Variants in FARP2 observed in about 807,000 individuals in gnomAD.
FARP2 encodes FERM, ARHGEF and pleckstrin domain-containing protein 2.
Under a neutral mutation model 130.5 loss-of-function variants are expected in FARP2, and 111 were observed. The ratio of observed to expected loss-of-function variants is 0.85; its 90% CI spans 0.73 to 1.00. FARP2 has a LOEUF of 1.00. FARP2 is among the 50% of genes least tolerant of loss of function. The pLI, the probability that FARP2 is intolerant of heterozygous loss-of-function variation, is 0.00. For synonymous variants in FARP2, 504 were observed against 516.9 expected (o/e 0.98, Z 0.34); for missense variants, 1,385 against 1,346.3 (o/e 1.03, Z -0.45).
intron 8 of FARP2, among the ~76,000 whole-genome samples, chr2:241,431,392 T>C (rs1022921247): frequency 1.2e-4 from 17 of 143,538 alleles, no homozygotes; most frequent in Non-Finnish European, 2.6e-4. Flanking sequence ...GGATGATTGC[T>C]TGAGCCCAGG....
chr2:241,388,618 C>G (rs569219499), intron 2 of FARP2, among the ~76,000 whole-genome samples: 2 of 152,022 alleles, frequency 1.3e-5, no homozygotes. Context: ...CTAGAATATA[C>G]TTTTTAAAAT....
chr2:241,359,173 G>A (rs1410289387), intron 1 of FARP2, among the ~76,000 whole-genome samples: 1 of 152,210 alleles, frequency 6.6e-6, no homozygotes, highest in East Asian at 1.9e-4. Context: ...AGGTGAACAG[G>A]ATCAGGAGGG....
intron 18 of FARP2, among the ~76,000 whole-genome samples, chr2:241,472,873 TCCTGTTCTGAGGGGAA>T (rs1442854740): frequency 2.0e-5 from 3 of 147,568 alleles, no homozygotes; most frequent in Non-Finnish European, 4.5e-5. Flanking sequence ...CTGAGAGGGA[TCCTGTTCTGAGGGGAA>T]CCTCTTTTGA....
chr2:241,373,062 G>GTT (rs201276541), intron 1 of FARP2, 22 bp from the exon 2 acceptor site: 9,508 of 921,488 alleles, frequency 0.01, 3 homozygotes, highest in East Asian at 0.03. Flanking sequence ...CCTTCATGTG[G>GTT]TTTTTTTTTT....
intron 14 of FARP2, among the ~76,000 whole-genome samples, chr2:241,460,170 C>T (rs1429071697): frequency 1.3e-5 from 2 of 152,214 alleles, no homozygotes; most frequent in South Asian, 2.1e-4. Context: ...CATCCCTGTC[C>T]CTCAGCTGTG....
intron 13 of FARP2, among the ~76,000 whole-genome samples, chr2:241,449,594 G>A (rs1297155191): frequency 1.3e-5 from 2 of 152,198 alleles, no homozygotes; most frequent in African/African-American, 4.8e-5. Context: ...GAAGGGAAAA[G>A]TGAAGGTAAG....
chr2:241,483,409 T>C (rs1370068582), intron 19 of FARP2, 56 bp from the exon 20 acceptor site: 6 of 1,459,386 alleles, frequency 4.1e-6, no homozygotes, highest in Non-Finnish European at 5.8e-6. Context: ...GCCCGGCTAG[T>C]GCATCCGCCA....
Position 241,403,834 on chromosome 2 carries a change from T to A in FARP2, c.190T>A (p.Cys64Ser), listed in dbSNP as rs756361784. 2 of 1,609,730 alleles carry A rather than the reference T, an allele frequency of 1.2e-6. No homozygotes were observed. Among genetic ancestry groups the A allele is most frequent in the Non-Finnish European group, 8.5e-7 (1 of 1,176,012 alleles). The change falls in exon 3 of 27, where the codon TGC becomes AGC. Residue 64 changes from cysteine to serine, a missense_variant. Cys to Ser is a moderately radical substitution (Grantham distance 112). Coordinates refer to ENST00000264042, the MANE Select transcript of FARP2 (RefSeq NM_014808.4). ...TMEIFDIEPKCDGQVLLTQVW... is the reference protein window; with the variant it reads ...TMEIFDIEPKSDGQVLLTQVW... ...CCCATCTCTCTCTGCACAGCCTAAA[T>A]GCGATGGCCAGGTATTACTGACACA...
intron 13 of FARP2, among the ~76,000 whole-genome samples, chr2:241,454,570 T>C (rs1301893776): frequency 1.3e-5 from 2 of 152,148 alleles, no homozygotes; most frequent in Non-Finnish European, 2.9e-5. Context: ...GTTTTCAACA[T>C]AAGAAGTAAT....
intron 8 of FARP2, among the ~76,000 whole-genome samples, chr2:241,421,221 A>G (rs1391673439): frequency 6.6e-6 from 1 of 152,236 alleles, no homozygotes; most frequent in African/African-American, 2.4e-5. Context: ...CTTGGGTCCA[A>G]TACACAGAGT....
Position 241,494,069 on chromosome 2 carries a change from G to T in FARP2, c.3109G>T (p.Asp1037Tyr). The T allele has an allele frequency of 2.1e-6, 3 of 1,443,444 alleles. No homozygotes were observed. The highest frequency in any genetic ancestry group is 2.7e-6 in the Non-Finnish European group (3 of 1,101,140). 89.4% of individuals were successfully genotyped at this position (1,443,444 alleles called of 1,614,324 possible). The part of the protein sequence containing the change: ...SAGRAPSIVQ[D>Y]GPQPSSGLEG... ...CGGGAGGGCCCCAAGCATCGTGCAG[G>T]ATGGCCCCCAACCCTCCTCAGGGCT... The change falls in exon 27 of 27, where the codon GAT (aspartate) becomes TAT (tyrosine). Residue 1037 changes from aspartate to tyrosine, a missense_variant. By Grantham distance (160) the Asp-to-Tyr change is radical. Transcript: ENST00000264042. This position sits in a 1 kb window ranked among gnomAD's most constrained non-coding sequence, Gnocchi z 4.9.
At chr2:241,403,251 G>T (rs1054026879) in intron 2 of FARP2, among the ~76,000 whole-genome samples, 4 of 151,720 alleles carry the variant, frequency 2.6e-5, no homozygotes, top group African/African-American at 9.7e-5. Context: ...GTCTCACTCT[G>T]TCACCCAGGC....
intron 22 of FARP2, 62 bp from the exon 23 acceptor site, chr2:241,490,999 T>TCGGCAGG (rs2064879291): frequency 7.6e-7 from 1 of 1,323,676 alleles, no homozygotes; most frequent in African/African-American, 1.4e-5. Flanking sequence ...CGCCCTCCCT[T>TCGGCAGG]GAGGGCTGGG....
At chr2:241,473,621 G>C (rs1259509854) in intron 18 of FARP2, among the ~76,000 whole-genome samples, 1 of 152,228 alleles carries the variant, frequency 6.6e-6, no homozygotes, top group African/African-American at 2.4e-5. Context: ...TGTGGACTCA[G>C]CATTTGAGGG....
chr2:241,453,672 C>T (rs35917093), intron 13 of FARP2, among the ~76,000 whole-genome samples: 12,327 of 151,146 alleles, frequency 0.082, 580 homozygotes, highest in Middle Eastern at 0.12. Flanking sequence ...TTTTAACCTC[C>T]GTAGGACCAA....
At chr2:241,368,867 A>G (rs1236033267) in intron 1 of FARP2, among the ~76,000 whole-genome samples, 1 of 152,174 alleles carries the variant, frequency 6.6e-6, no homozygotes, top group Non-Finnish European at 1.5e-5. Context: ...AGTCTTAAAT[A>G]TAAGTCTTAG....
chr2:241,394,161 G>A (rs2061974182), intron 2 of FARP2, among the ~76,000 whole-genome samples: 1 of 152,220 alleles, frequency 6.6e-6, no homozygotes, highest in South Asian at 2.1e-4. Context: ...CCACCTGATA[G>A]TGAATTTCTG....
At chr2:241,453,253 C>T (rs916107813) in intron 13 of FARP2, among the ~76,000 whole-genome samples, 4 of 151,604 alleles carry the variant, frequency 2.6e-5, no homozygotes, top group South Asian at 2.1e-4. Flanking sequence ...TGGCATGAAC[C>T]CAGGAAGCAG....
At chr2:241,431,795 T>C in intron 9 of FARP2, 21 bp downstream of exon 9, 1 of 885,732 alleles carries the variant, frequency 1.1e-6, no homozygotes, top group Non-Finnish European at 1.6e-6. Context: ...TTTTCAACTT[T>C]TTATTTTTAT....
Sources: gnomAD v4.1 joint callset for allele counts (sites outside exome capture counted in the v4.1 genomes callset) on GRCh38, gnomAD v4.1.1 for gene constraint, Gnocchi (gnomAD v3.1) non-coding constraint, MANE v1.5 for transcripts, NCBI Gene and HGNC (gene_info 2026-07-23, HGNC 2026-07-21) for gene names.